The following MTPAP variants were observed in gnomAD, a reference collection of about 807,000 sequenced individuals.
MTPAP encodes poly(A) RNA polymerase, mitochondrial.
In MTPAP, 23 loss-of-function variants were observed where a neutral mutation model predicts 48.7. The ratio of observed to expected loss-of-function variants is 0.47; its 90% CI spans 0.34 to 0.67. The LOEUF (loss-of-function observed/expected upper bound fraction) is 0.67, where lower values mean the gene tolerates loss of function less well. MTPAP is among the 30% of genes least tolerant of loss of function. The pLI is 0.01. For synonymous variants in MTPAP, 257 were observed against 254.1 expected (o/e 1.01, Z -0.11); for missense variants, 614 against 694.3 (o/e 0.88, Z 1.30).
In MTPAP at chr10:30,313,472, G is replaced by T; in HGVS notation, c.*137C>A. The T allele has an allele frequency of 8.2e-7, 1 of 1,224,480 alleles. No homozygotes were observed. The highest frequency in any genetic ancestry group is 1.2e-6 in the Non-Finnish European group (1 of 844,976). The allele number at this position is 1,224,480 out of a possible 1,614,324, so 75.9% of individuals were successfully genotyped here. ...ATCCCAGAACTTCAGACCAGGTTAAGGGGGCCAATGAGAAGATCATGAAAA... is the reference window on the plus strand; with the variant it reads ...ATCCCAGAACTTCAGACCAGGTTAATGGGGCCAATGAGAAGATCATGAAAA... On this transcript the variant is annotated 3_prime_UTR_variant, in exon 9 of 9. Transcript: ENST00000263063.
intron 2 of MTPAP, 60 bp downstream of exon 2, chr10:30,341,408 T>C (rs1834805160): frequency 2.6e-6 from 4 of 1,561,536 alleles, no homozygotes; most frequent in Non-Finnish European, 3.5e-6. Flanking sequence ...AAACAACTAA[T>C]GGAGACCTCC....
In MTPAP at chr10:30,315,947, G is replaced by A. The variant is rs757125391; in HGVS notation, c.1386+16C>T. 8 of 1,568,544 alleles carry A rather than the reference G, an allele frequency of 5.1e-6. No individual in the cohort carries two copies. The African/African-American group carries it at 9.5e-5, about 19-fold the overall frequency. On this transcript the variant is annotated intron_variant, in intron 8 of 8. Transcript: ENST00000263063. ...AAGACCAGATACTAATAACTAAATA[G>A]TAAAACATTATTTACCTGTCGAATA...
At chr10:30,336,435 A>C (rs1293135545) in intron 4 of MTPAP, among the ~76,000 whole-genome samples, 1 of 152,176 alleles carries the variant, frequency 6.6e-6, no homozygotes, top group Admixed American at 6.5e-5. Flanking sequence ...AATTAACAAA[A>C]CCAAGAATCA....
chr10:30,319,061 T>A (rs1415259334), intron 6 of MTPAP, among the ~76,000 whole-genome samples: 1 of 131,498 alleles, frequency 7.6e-6, no homozygotes, highest in African/African-American at 3.0e-5. Flanking sequence ...AAAAGCGGGG[T>A]GGCTGGGAGG....
intron 6 of MTPAP, 32 bp from the exon 7 acceptor site, chr10:30,316,242 T>G: frequency 1.3e-6 from 2 of 1,502,404 alleles, no homozygotes; most frequent in Non-Finnish European, 1.8e-6. Context: ...TTTCACGTGT[T>G]TTTTTTTTTT....
chr10:30,323,380 A>C (rs1840748420), intron 5 of MTPAP, among the ~76,000 whole-genome samples: 1 of 130,140 alleles, frequency 7.7e-6, no homozygotes, highest in Non-Finnish European at 1.6e-5. Flanking sequence ...TGAACCCGGG[A>C]GGCGGAGGCT....
chr10:30,324,744 C>G (rs1246548216), intron 5 of MTPAP, among the ~76,000 whole-genome samples: 5 of 152,186 alleles, frequency 3.3e-5, no homozygotes, highest in African/African-American at 9.6e-5. Flanking sequence ...CGGCTCACAC[C>G]TGTAATCCAG....
intron 4 of MTPAP, among the ~76,000 whole-genome samples, chr10:30,331,636 G>A (rs977858981): frequency 3.3e-5 from 5 of 152,092 alleles, no homozygotes; most frequent in Non-Finnish European, 7.4e-5. Context: ...GCGCAATCTC[G>A]GCTCACTACA....
chr10:30,333,600 G>C (rs1477799495), intron 4 of MTPAP, among the ~76,000 whole-genome samples: 2 of 152,152 alleles, frequency 1.3e-5, no homozygotes, highest in African/African-American at 4.8e-5. Flanking sequence ...TCAAGTACAT[G>C]TTAGTCTTAA....
chr10:30,316,797 C>T (rs141183190), intron 6 of MTPAP, among the ~76,000 whole-genome samples: 2 of 151,664 alleles, frequency 1.3e-5, no homozygotes, highest in Non-Finnish European at 2.9e-5. Context: ...GGCTGAGGCA[C>T]GAGAATCGCT....
At chr10:30,322,943 C>G (rs111335983) in intron 5 of MTPAP, among the ~76,000 whole-genome samples, 1 of 151,338 alleles carries the variant, frequency 6.6e-6, no homozygotes, top group African/African-American at 2.4e-5. Flanking sequence ...TCAAGGACAA[C>G]GAGGTGAAAC....
At chr10:30,335,640 C>T (rs1359371912) in intron 4 of MTPAP, among the ~76,000 whole-genome samples, 1 of 151,944 alleles carries the variant, frequency 6.6e-6, no homozygotes, top group Non-Finnish European at 1.5e-5. Context: ...GAAATAATAT[C>T]CAAACTTGAA....
At chr10:30,316,390 A>G (rs1254967115) in intron 6 of MTPAP, among the ~76,000 whole-genome samples, 180 bp from the exon 7 acceptor site, 1 of 151,658 alleles carries the variant, frequency 6.6e-6, no homozygotes, top group Non-Finnish European at 1.5e-5. Context: ...TTATAGGCAC[A>G]TGCCCCCACG....
intron 1 of MTPAP, among the ~76,000 whole-genome samples, chr10:30,344,137 C>T (rs1211955588): frequency 6.6e-6 from 1 of 152,120 alleles, no homozygotes; most frequent in Admixed American, 6.6e-5. Context: ...CATCTCAACT[C>T]CATAGCATGG....
Position 30,340,456 on chromosome 10 carries a change from C to A in MTPAP, c.331-6G>T. The A allele has an allele frequency of 6.2e-7, 1 of 1,602,890 alleles. No individual in the cohort carries two copies. The highest frequency in any genetic ancestry group is 8.5e-7 in the Non-Finnish European group (1 of 1,169,932). ...TCTACGACAGCATAGAGACCCTATACCAAAAACATAAGAAAAAACAGAACA... is the reference window on the plus strand; with the variant it reads ...TCTACGACAGCATAGAGACCCTATAACAAAAACATAAGAAAAAACAGAACA... On this transcript the variant is annotated splice_region_variant and splice_polypyrimidine_tract_variant and intron_variant, in intron 2 of 8. Coordinates refer to ENST00000263063, the MANE Select transcript of MTPAP (RefSeq NM_018109.4).
chr10:30,321,768 T>C (rs766644166), intron 6 of MTPAP, among the ~76,000 whole-genome samples: 1 of 152,232 alleles, frequency 6.6e-6, no homozygotes, highest in Non-Finnish European at 1.5e-5. Flanking sequence ...TTTGTGTGTA[T>C]GTACCCCTTA....
chr10:30,336,812 G>A lies in MTPAP; in HGVS notation c.771C>T (p.Ser257=), dbSNP rs756423163. 8 of 1,604,004 alleles carry A rather than the reference G, an allele frequency of 5.0e-6. No homozygotes were observed. The highest frequency in any genetic ancestry group is 2.2e-5 in the East Asian group (1 of 44,836). ...AAAGAAATAGACTTACCTTGTGAGC[G>A]CTGAGGTTTCTGGTTTCATCTAGAT... ...FLDLDETRNL[S]AHKISGNFLM... is the part of the protein sequence containing the mutation. The change falls in exon 4 of 9, where the codon AGC becomes AGT. Residue 257 remains serine, a synonymous_variant. Coordinates refer to ENST00000263063, the MANE Select transcript of MTPAP (RefSeq NM_018109.4).
chr10:30,324,916 G>C (rs1408545067), intron 5 of MTPAP, among the ~76,000 whole-genome samples: 1 of 151,938 alleles, frequency 6.6e-6, no homozygotes, highest in Non-Finnish European at 1.5e-5. Flanking sequence ...AAGCCAGGAG[G>C]CGGAGGTTGC....
At chr10:30,315,517 AAAC>A (rs1236872656) in intron 8 of MTPAP, among the ~76,000 whole-genome samples, 2 of 151,416 alleles carry the variant, frequency 1.3e-5, no homozygotes, top group Non-Finnish European at 2.9e-5. Flanking sequence ...AAAAAAAACA[AAAC>A]AAAACAAAAC....
Sources: allele counts gnomAD v4.1 joint callset (sites outside exome capture counted in the v4.1 genomes callset), GRCh38; gene constraint gnomAD v4.1.1; transcripts MANE v1.5; gene names NCBI Gene and HGNC (gene_info 2026-07-23, HGNC 2026-07-21).